The following KANK1 variants were observed in gnomAD, a reference collection of about 807,000 sequenced individuals.
KANK1 encodes the protein KN motif and ankyrin repeat domains 1, also known as KN motif and ankyrin repeat domain-containing protein 1.
A neutral mutation model predicts 106.2 loss-of-function variants in KANK1; 109 were observed. The ratio of observed to expected loss-of-function variants is 1.03; its 90% confidence interval spans 0.88 to 1.20. KANK1 has a LOEUF of 1.20. Among genes scored for constraint, KANK1 ranks in the 50% most tolerant of loss-of-function variants. The pLI is 0.00. For synonymous variants in KANK1, 873 were observed against 652.2 expected (o/e 1.34, Z -5.16); for missense variants, 2,399 against 1,710.7 (o/e 1.40, Z -7.10).
intron 7 of KANK1, among the ~76,000 whole-genome samples, chr9:736,848 C>G (rs915241856): frequency 1.3e-5 from 2 of 152,206 alleles, no homozygotes; most frequent in African/African-American, 2.4e-5. Flanking sequence ...TCAGGTTTAA[C>G]CTAAACTTAA....
At chr9:585,887 A>C (rs1280150448) in intron 1 of KANK1, among the ~76,000 whole-genome samples, 1 of 152,228 alleles carries the variant, frequency 6.6e-6, no homozygotes. Context: ...GTAGTGATAG[A>C]TAATGGAAGA....
chr9:742,414 T>G lies in KANK1; in HGVS notation c.3897+9T>G, dbSNP rs778235058. On this transcript the variant is annotated intron_variant, in intron 10 of 11. Transcript: ENST00000382297. ...GTCACCTAGAGGACAACGTAAGCTG[T>G]CTCCATTGGGCCTCCTGGCCAGGGG... 14 of 1,605,816 alleles carry G rather than the reference T, an allele frequency of 8.7e-6. No individual in the cohort carries two copies. The highest frequency in any genetic ancestry group is 1.2e-5 in the Non-Finnish European group (14 of 1,174,954).
intron 10 of KANK1, 108 bp downstream of exon 10, chr9:742,513 C>T (rs538556831): frequency 2.2e-4 from 176 of 808,638 alleles, no homozygotes; most frequent in Non-Finnish European, 1.9e-4. Context: ...CTATTCTCCT[C>T]TGGGATTTGT....
intron 3 of KANK1, among the ~76,000 whole-genome samples, chr9:716,818 A>T (rs930292036): frequency 6.6e-5 from 10 of 152,216 alleles, no homozygotes; most frequent in East Asian, 5.8e-4. Flanking sequence ...CTACAAAAAA[A>T]TTTTTTTTAA....
chr9:512,595 A>C (rs2059084123), intron 1 of KANK1, among the ~76,000 whole-genome samples: 1 of 152,166 alleles, frequency 6.6e-6, no homozygotes, highest in African/African-American at 2.4e-5. Flanking sequence ...TGGGTAAACC[A>C]GTTGGAAGCT....
At chr9:706,836 C>G (rs916200920) in intron 2 of KANK1, 2 of 985,244 alleles carry the variant, frequency 2.0e-6, no homozygotes, top group African/African-American at 3.5e-5. Flanking sequence ...CTCAGGTGAC[C>G]GAGGGCTGGG....
At position 618,410 on chromosome 9, in the gene KANK1, A is replaced by G. The variant is rs1183183374; in HGVS notation, c.-83-58480A>G. On this transcript the variant is annotated intron_variant, in intron 1 of 11. Coordinates refer to ENST00000382297, the MANE Select transcript of KANK1 (RefSeq NM_015158.5). ...TTTACTAGAGACAGGGTTTCACCAT[A>G]TCGGCCAGGCTGGTCTGAAACTCCT... Among the ~76,000 whole-genome samples, 10 of 152,166 alleles carry G rather than the reference A, an allele frequency of 6.6e-5. No individual in the cohort carries two copies. In the East Asian group the frequency reaches 1.9e-3, roughly 29 times the overall value.
intron 1 of KANK1, among the ~76,000 whole-genome samples, chr9:528,320 C>G (rs1440355222): frequency 2.0e-5 from 3 of 151,786 alleles, no homozygotes; most frequent in Non-Finnish European, 2.9e-5. Context: ...ATTGAATTTG[C>G]ATTTTCTAAT....
At chr9:659,006 C>T (rs191887622) in intron 1 of KANK1, among the ~76,000 whole-genome samples, 1,857 of 152,052 alleles carry the variant, frequency 0.012, 36 homozygotes, top group African/African-American at 0.043. Flanking sequence ...TCACTCAACA[C>T]CTGTTTTTTT....
intron 1 of KANK1, among the ~76,000 whole-genome samples, chr9:551,247 C>T (rs1180047796): frequency 6.6e-6 from 1 of 151,522 alleles, no homozygotes; most frequent in African/African-American, 2.4e-5. Flanking sequence ...AAGACACACA[C>T]ATTTGCCTGT....
At chr9:632,219 C>G (rs10815387) in intron 1 of KANK1, among the ~76,000 whole-genome samples, 6 of 151,966 alleles carry the variant, frequency 3.9e-5, no homozygotes, top group Admixed American at 1.3e-4. Flanking sequence ...ATATTGGCAG[C>G]CAGCTTTTCC....
At chr9:607,416 C>T (rs1283771693) in intron 1 of KANK1, among the ~76,000 whole-genome samples, 1 of 138,210 alleles carries the variant, frequency 7.2e-6, no homozygotes, top group Non-Finnish European at 1.5e-5. Flanking sequence ...ATCCGGGAAG[C>T]AGAGGTTGCA....
intron 1 of KANK1, among the ~76,000 whole-genome samples, chr9:578,300 T>A (rs1276226875): frequency 1.3e-5 from 2 of 151,154 alleles, no homozygotes; most frequent in African/African-American, 4.9e-5. Context: ...ATGATTTGGA[T>A]TCTTGAGTCT....
At chr9:485,041 G>A (rs2058268023) in intron 3 of KANK1, among the ~76,000 whole-genome samples, 1 of 152,200 alleles carries the variant, frequency 6.6e-6, no homozygotes, top group Non-Finnish European at 1.5e-5. Context: ...ACTAGTCCTA[G>A]ACCAACTTTG....
intron 3 of KANK1, among the ~76,000 whole-genome samples, chr9:483,567 TTA>T (rs2058243865): frequency 6.6e-6 from 1 of 152,168 alleles, no homozygotes; most frequent in African/African-American, 2.4e-5. Flanking sequence ...ACTGTGTACT[TTA>T]TAGCACTGAT....
intron 1 of KANK1, among the ~76,000 whole-genome samples, chr9:608,036 T>A (rs1437621210): frequency 1.5e-5 from 2 of 134,758 alleles, no homozygotes; most frequent in Non-Finnish European, 3.2e-5. Flanking sequence ...TTATTATTAT[T>A]TTTTTTTTTT....
chr9:683,255 G>A (rs1463693125), intron 2 of KANK1, among the ~76,000 whole-genome samples: 4 of 152,210 alleles, frequency 2.6e-5, no homozygotes, highest in African/African-American at 9.7e-5. Context: ...TGAATTTGCA[G>A]AAGGATTAAA....
At chr9:516,689 G>A (rs2059291369) in intron 1 of KANK1, among the ~76,000 whole-genome samples, 1 of 151,612 alleles carries the variant, frequency 6.6e-6, no homozygotes, top group Non-Finnish European at 1.5e-5. Flanking sequence ...ATGGGCCCAG[G>A]TGGGAGGGGA....
At chr9:596,270 G>A (rs1588113782) in intron 1 of KANK1, among the ~76,000 whole-genome samples, 1 of 151,828 alleles carries the variant, frequency 6.6e-6, no homozygotes, top group Non-Finnish European at 1.5e-5. Flanking sequence ...TGCCAAATTA[G>A]TAAATATTTT....
Sources: allele counts gnomAD v4.1 joint callset (sites outside exome capture counted in the v4.1 genomes callset), GRCh38; gene constraint gnomAD v4.1.1; transcripts MANE v1.5; gene names NCBI Gene and HGNC (gene_info 2026-07-23, HGNC 2026-07-21).